Variants in BRD4 observed in about 807,000 individuals in gnomAD.
BRD4 encodes the protein bromodomain containing 4, also known as bromodomain-containing protein 4.
Under a neutral mutation model 142.1 loss-of-function variants are expected in BRD4, and 16 were observed. The observed-to-expected ratio is 0.11, with a 90% CI of 0.08 to 0.17. The LOEUF (loss-of-function observed/expected upper bound fraction) is 0.17. BRD4 is among the 10% of genes least tolerant of loss of function. The pLI is 1.00. For missense variants in BRD4, 1,424 were observed against 1,810.9 expected, an observed-to-expected ratio of 0.79 and a Z score of 3.88; for synonymous variants, 833 against 707.5, an observed-to-expected ratio of 1.18 and a Z score of -2.82.
intron 2 of BRD4, among the ~76,000 whole-genome samples, chr19:15,270,762 G>C (rs2047578528): frequency 6.6e-6 from 1 of 152,102 alleles, no homozygotes; most frequent in African/African-American, 2.4e-5. Context: ...CCTGAAGAAG[G>C]AAGTCCCCAG....
chr19:15,301,370 G>C (rs1197166651), intron 1 of BRD4, among the ~76,000 whole-genome samples: 1 of 152,046 alleles, frequency 6.6e-6, no homozygotes, highest in South Asian at 2.1e-4. Context: ...AGACCAGCCT[G>C]ACCAACATGG....
At chr19:15,284,064 G>A (rs536006710) in intron 1 of BRD4, among the ~76,000 whole-genome samples, 2 of 152,322 alleles carry the variant, frequency 1.3e-5, no homozygotes, top group South Asian at 4.1e-4. Context: ...TGGGTATCTC[G>A]ATGAAGAGCT....
chr19:15,257,349 G>A (rs2047422873), intron 7 of BRD4, 176 bp from the exon 8 acceptor site: 3 of 609,396 alleles, frequency 4.9e-6, no homozygotes, highest in Non-Finnish European at 8.6e-6. Flanking sequence ...AAGGGCCTCT[G>A]ACAACTCTTG....
intron 4 of BRD4, 113 bp downstream of exon 4, chr19:15,267,303 G>T: frequency 7.5e-7 from 1 of 1,324,826 alleles, no homozygotes. Context: ...ACACCAACAC[G>T]GCATGCAGTA....
chr19:15,265,978 C>G (rs960220886), intron 4 of BRD4, among the ~76,000 whole-genome samples: 6 of 152,218 alleles, frequency 3.9e-5, no homozygotes, highest in African/African-American at 1.4e-4. Context: ...CTCCTCAGAG[C>G]TTCCAGGCAC....
chr19:15,274,355 G>A (rs1466942205), intron 1 of BRD4, among the ~76,000 whole-genome samples: 2 of 152,198 alleles, frequency 1.3e-5, no homozygotes, highest in Admixed American at 1.3e-4. Context: ...GTGACCAATG[G>A]GGACAAGTGT....
At chr19:15,324,719 C>T (rs150339272) in intron 1 of BRD4, among the ~76,000 whole-genome samples, 2 of 152,318 alleles carry the variant, frequency 1.3e-5, no homozygotes, top group East Asian at 3.9e-4. Context: ...ACCAGGTTTT[C>T]ATAAGATGGG....
chr19:15,241,879 C>T (rs2047240831), intron 14 of BRD4, among the ~76,000 whole-genome samples: 1 of 145,334 alleles, frequency 6.9e-6, no homozygotes, highest in African/African-American at 2.6e-5. Context: ...GTGGCACGAT[C>T]TCAGCTCACT....
At chr19:15,274,558 G>A (rs577702237) in intron 1 of BRD4, among the ~76,000 whole-genome samples, 11 of 152,348 alleles carry the variant, frequency 7.2e-5, no homozygotes, top group African/African-American at 2.2e-4. Context: ...ATGGCAGGCA[G>A]GGGCAGGAGC....
intron 11 of BRD4, chr19:15,247,528 C>A (rs2047300518): frequency 4.3e-6 from 1 of 233,110 alleles, no homozygotes; most frequent in African/African-American, 2.2e-5. Context: ...TGGAGGAGAG[C>A]TGGCTTGTGG....
intron 1 of BRD4, among the ~76,000 whole-genome samples, chr19:15,286,862 G>A (rs1324518964): frequency 1.3e-5 from 2 of 152,170 alleles, no homozygotes; most frequent in Non-Finnish European, 2.9e-5. Flanking sequence ...TGATGCTCAA[G>A]AGCCACGTGG....
intron 1 of BRD4, among the ~76,000 whole-genome samples, chr19:15,329,829 T>C (rs2048141637): frequency 1.3e-5 from 2 of 152,150 alleles, no homozygotes; most frequent in South Asian, 4.1e-4. Flanking sequence ...AACAAGAAAA[T>C]ATTGTTACCC....
At chr19:15,276,360 G>A (rs973179394) in intron 1 of BRD4, among the ~76,000 whole-genome samples, 1 of 152,152 alleles carries the variant, frequency 6.6e-6, no homozygotes, top group African/African-American at 2.4e-5. Context: ...TCCCACAGCG[G>A]TTCCCCCCAA....
chr19:15,243,809 G>T (rs1216678590), intron 13 of BRD4, among the ~76,000 whole-genome samples: 2 of 152,262 alleles, frequency 1.3e-5, no homozygotes, highest in African/African-American at 2.4e-5. Context: ...CCAGGAAGGT[G>T]GCCCTGTCCC....
At position 15,252,741 on chromosome 19, in the gene BRD4, T is replaced by C. The variant is rs1209477690; in HGVS notation, c.2158+1411A>G. Among the ~76,000 whole-genome samples, 12 of 152,156 alleles carry C rather than the reference T, an allele frequency of 7.9e-5. No individual in the cohort carries two copies. The East Asian group carries it at 2.3e-3, about 29-fold the overall frequency. On this transcript the variant is annotated intron_variant, in intron 11 of 19. Transcript: ENST00000679869. The stretch of plus-strand genomic sequence containing the variant: ...GCTGCCCACGGCATTCTGCATGCAG[T>C]TGTGGTAGAGAATGTGGGCATCTGG...
At chr19:15,276,381 C>A (rs143216947) in intron 1 of BRD4, among the ~76,000 whole-genome samples, 3 of 152,022 alleles carry the variant, frequency 2.0e-5, no homozygotes, top group Admixed American at 2.0e-4. Flanking sequence ...CCCCACACTG[C>A]CCCAGGCCCC....
rs2047192399 is a variant in BRD4, at chr19:15,236,435, TAAATG to T, written c.*1937_*1941del. On this transcript the variant is annotated 3_prime_UTR_variant, in exon 20 of 20. Coordinates refer to ENST00000679869, the MANE Select transcript of BRD4 (RefSeq NM_001379291.1). Reference sequence around the variant, plus strand: ...AAGAGTATCTGGTTAACCCTGAGCTTAAATGAAAGGAGGAGTTAGGTTGAGGCAGG... The same window carrying T: ...AAGAGTATCTGGTTAACCCTGAGCTTAAAGGAGGAGTTAGGTTGAGGCAGG... 1 of 148,428 alleles carries T rather than the reference TAAATG, an allele frequency of 6.7e-6. No individual in the cohort carries two copies. The highest frequency in any genetic ancestry group is 1.5e-5 in the Non-Finnish European group (1 of 67,546). 9.2% of individuals were successfully genotyped at this position (148,428 alleles called of 1,614,324 possible).
intron 14 of BRD4, among the ~76,000 whole-genome samples, chr19:15,241,765 T>C (rs1384757326): frequency 2.0e-5 from 3 of 151,882 alleles, no homozygotes; most frequent in Admixed American, 2.0e-4. Flanking sequence ...AGGCAGCTTG[T>C]TCTTGGCTCA....
At chr19:15,253,938 A>C in intron 11 of BRD4, 2 of 741,162 alleles carry the variant, frequency 2.7e-6, no homozygotes, top group Non-Finnish European at 4.4e-6. Flanking sequence ...GGAGAGCATA[A>C]CGGCCAGGCC....
Sources: gnomAD v4.1 joint callset for allele counts (sites outside exome capture counted in the v4.1 genomes callset) on GRCh38, gnomAD v4.1.1 for gene constraint, MANE v1.5 for transcripts, NCBI Gene and HGNC (gene_info 2026-07-23, HGNC 2026-07-21) for gene names.